AGPS: variants seen among roughly 807,000 people sequenced by gnomAD.
AGPS encodes alkyldihydroxyacetonephosphate synthase, peroxisomal.
In AGPS, 26 loss-of-function variants were observed where a neutral mutation model predicts 90.7. The observed-to-expected ratio is 0.29, with a 90% CI of 0.21 to 0.40. AGPS has a LOEUF of 0.40. Ranked by LOEUF, AGPS falls within the 10% of genes least tolerant of loss-of-function variation. The probability of loss-of-function intolerance (pLI) is 1.00; values close to 1 mark genes in which losing one functional copy is unlikely to be tolerated. For missense variants in AGPS, 540 were observed against 816.1 expected, an observed-to-expected ratio of 0.66 and a Z score of 4.12; for synonymous variants, 294 against 285.3, an observed-to-expected ratio of 1.03 and a Z score of -0.31.
intron 16 of AGPS, among the ~76,000 whole-genome samples, chr2:177,510,965 C>G (rs1688851224): frequency 6.6e-6 from 1 of 152,164 alleles, no homozygotes; most frequent in Non-Finnish European, 1.5e-5. Flanking sequence ...TCCATCCCAT[C>G]CCTACCACAA....
chr2:177,434,286 A>G, intron 2 of AGPS, 41 bp from the exon 3 acceptor site: 1 of 1,410,976 alleles, frequency 7.1e-7, no homozygotes, highest in Non-Finnish European at 1.0e-6. Flanking sequence ...ATTTAAATGA[A>G]GATACTTTGC....
intron 1 of AGPS, among the ~76,000 whole-genome samples, chr2:177,419,922 A>G (rs1392326314): frequency 6.6e-6 from 1 of 151,730 alleles, no homozygotes; most frequent in Non-Finnish European, 1.5e-5. Context: ...TTAATTGCAA[A>G]GCTTTTTAGG....
intron 10 of AGPS, among the ~76,000 whole-genome samples, chr2:177,478,584 T>G (rs1687855368): frequency 6.6e-6 from 1 of 152,164 alleles, no homozygotes; most frequent in Admixed American, 6.6e-5. Context: ...ATCTTCAAGT[T>G]TCATATTCAT....
At chr2:177,470,880 A>G (rs1252693049) in intron 10 of AGPS, among the ~76,000 whole-genome samples, 1 of 152,144 alleles carries the variant, frequency 6.6e-6, no homozygotes, top group Non-Finnish European at 1.5e-5. Flanking sequence ...TCTACTACTT[A>G]TATTTCCATG....
chr2:177,452,272 G>C (rs1208346675), intron 8 of AGPS, among the ~76,000 whole-genome samples: 1 of 152,030 alleles, frequency 6.6e-6, no homozygotes, highest in Non-Finnish European at 1.5e-5. Context: ...TTATTGAAGG[G>C]GGGTATTAAA....
chr2:177,396,606 A>G (rs1254944212), intron 1 of AGPS, among the ~76,000 whole-genome samples: 2 of 152,162 alleles, frequency 1.3e-5, no homozygotes, highest in African/African-American at 4.8e-5. Context: ...ATGGACATAG[A>G]TCAGTTAGAG....
chr2:177,393,390 GA>G, intron 1 of AGPS: 2 of 985,412 alleles, frequency 2.0e-6, no homozygotes, highest in Non-Finnish European at 2.4e-6. Context: ...TGAGGTCTTG[GA>G]ATGGGTAGCA....
rs1054780712 is a variant in AGPS, at chr2:177,480,032, T to A, written c.1106-2027T>A. Among the ~76,000 whole-genome samples the A allele has an allele frequency of 5.9e-5, 9 of 152,134 alleles. No individual in the cohort carries two copies. In the South Asian group the frequency reaches 1.5e-3, roughly 25 times the overall value. The stretch of plus-strand genomic sequence containing the variant: ...CCCGTCTCTACTAAAAATACAAAAT[T>A]AGCCAGGCATGGTGGCGCATGTCTG... On this transcript the variant is annotated intron_variant, in intron 10 of 19. Transcript: ENST00000264167.
chr2:177,459,038 A>G (rs116573604), intron 8 of AGPS, among the ~76,000 whole-genome samples: 2,568 of 152,226 alleles, frequency 0.017, 69 homozygotes, highest in African/African-American at 0.057. Context: ...ACAACCATCT[A>G]ATCTTTCACA....
At chr2:177,440,485 T>C (rs1330075448) in intron 5 of AGPS, among the ~76,000 whole-genome samples, 1 of 152,152 alleles carries the variant, frequency 6.6e-6, no homozygotes, top group Non-Finnish European at 1.5e-5. Flanking sequence ...ACCATTGTTC[T>C]TCAAAACTGT....
chr2:177,398,655 A>G (rs1002550992), intron 1 of AGPS, among the ~76,000 whole-genome samples: 2 of 152,260 alleles, frequency 1.3e-5, no homozygotes, highest in Non-Finnish European at 2.9e-5. Context: ...TAAATAGATC[A>G]TGATCAAATA....
chr2:177,412,459 T>A (rs1685648621), intron 1 of AGPS, among the ~76,000 whole-genome samples: 1 of 152,048 alleles, frequency 6.6e-6, no homozygotes, highest in South Asian at 2.1e-4. Context: ...CCCAGAAGGT[T>A]TGGGGGTTGT....
chr2:177,507,602 G>A lies in AGPS; in HGVS notation c.1546-368G>A, dbSNP rs545718552. The stretch of plus-strand genomic sequence containing the variant: ...ACTCCTTTGATCTTGACTAATTTTC[G>A]ATATTGGTTAATTTACTATTTATGC... On this transcript the variant is annotated intron_variant, in intron 15 of 19. Coordinates refer to ENST00000264167, the MANE Select transcript of AGPS (RefSeq NM_003659.4). Among the ~76,000 whole-genome samples the A allele has an allele frequency of 1.8e-4, 28 of 152,134 alleles. No homozygotes were observed. In the Middle Eastern group the frequency reaches 0.01, roughly 55 times the overall value.
intron 10 of AGPS, among the ~76,000 whole-genome samples, chr2:177,474,641 C>CT (rs1270667045): frequency 6.6e-6 from 1 of 152,208 alleles, no homozygotes; most frequent in African/African-American, 2.4e-5. Flanking sequence ...GGGACCCTCC[C>CT]TTATCTGCCT....
intron 1 of AGPS, among the ~76,000 whole-genome samples, chr2:177,419,066 G>A (rs1685871036): frequency 6.6e-6 from 1 of 151,894 alleles, no homozygotes; most frequent in Non-Finnish European, 1.5e-5. Context: ...TGTAAACAGA[G>A]CATTCCTAGT....
At chr2:177,424,724 T>C (rs1033311150) in intron 2 of AGPS, among the ~76,000 whole-genome samples, 7 of 152,342 alleles carry the variant, frequency 4.6e-5, no homozygotes, top group Non-Finnish European at 8.8e-5. Context: ...CATTCCTTTA[T>C]CTCTGCAACC....
At chr2:177,414,540 A>C (rs937418393) in intron 1 of AGPS, among the ~76,000 whole-genome samples, 5 of 152,202 alleles carry the variant, frequency 3.3e-5, no homozygotes, top group African/African-American at 7.2e-5. Context: ...CTTGTGGACT[A>C]TAAAAAGTTG....
intron 5 of AGPS, 86 bp downstream of exon 5, chr2:177,437,140 A>G (rs1440914766): frequency 3.1e-6 from 4 of 1,274,706 alleles, no homozygotes; most frequent in Non-Finnish European, 3.4e-6. Context: ...TTTTTGGCAT[A>G]TGAGTTGTAA....
At chr2:177,493,328 T>G in intron 12 of AGPS, 129 bp downstream of exon 12, 1 of 839,786 alleles carries the variant, frequency 1.2e-6, no homozygotes, top group Non-Finnish European at 2.0e-6. Flanking sequence ...GTCAGTCTAA[T>G]GAAGATAGAC....
Sources: allele counts gnomAD v4.1 joint callset (sites outside exome capture counted in the v4.1 genomes callset), GRCh38; gene constraint gnomAD v4.1.1; transcripts MANE v1.5; gene names NCBI Gene and HGNC (gene_info 2026-07-23, HGNC 2026-07-21).